LRRC8B: variants seen among roughly 807,000 people sequenced by gnomAD.
The protein encoded by LRRC8B is leucine rich repeat containing 8 VRAC subunit B.
Under a neutral mutation model 58.8 loss-of-function variants are expected in LRRC8B, and 23 were observed. The observed-to-expected ratio is 0.39, with a 90% CI of 0.28 to 0.55. The LOEUF is 0.55. LRRC8B is among the 20% of genes least tolerant of loss of function. The pLI is 0.62. For missense variants in LRRC8B, 694 were observed against 936.0 expected, an observed-to-expected ratio of 0.74 and a Z score of 3.37; for synonymous variants, 359 against 374.1, an observed-to-expected ratio of 0.96 and a Z score of 0.47.
intron 4 of LRRC8B, among the ~76,000 whole-genome samples, chr1:89,581,194 G>A (rs978352911): frequency 7.9e-5 from 12 of 151,592 alleles, no homozygotes; most frequent in Non-Finnish European, 1.6e-4. Context: ...AGCTGCTCGG[G>A]AGGCTGAGGC....
At chr1:89,577,378 A>G (rs1307384539) in intron 3 of LRRC8B, among the ~76,000 whole-genome samples, 1 of 152,216 alleles carries the variant, frequency 6.6e-6, no homozygotes, top group Non-Finnish European at 1.5e-5. Context: ...TGTGTTTTGA[A>G]AAAGCTTTTA....
In LRRC8B at chr1:89,567,876, A is replaced by G. The variant is rs538488883; in HGVS notation, c.-240-371A>G. On this transcript the variant is annotated intron_variant, in intron 1 of 5. Coordinates refer to ENST00000330947, the MANE Select transcript of LRRC8B (RefSeq NM_001369817.2). ...TGTGAACTATATGTTTCCATCAAAA[A>G]TGATGCTTAAAGAAACTTCATAGCA... 9.0e-4 allele frequency among the ~76,000 whole-genome samples: 137 copies of G among 152,274 alleles called. 3 individuals are homozygous for G. The South Asian group carries it at 0.027, about 29-fold the overall frequency.
chr1:89,575,916 A>G (rs911624893), intron 3 of LRRC8B, among the ~76,000 whole-genome samples: 2 of 152,138 alleles, frequency 1.3e-5, no homozygotes, highest in African/African-American at 4.8e-5. Flanking sequence ...TAGCCTTATT[A>G]TTCTATTATA....
intron 3 of LRRC8B, among the ~76,000 whole-genome samples, chr1:89,568,698 T>G (rs1653212298): frequency 1.3e-5 from 2 of 152,196 alleles, no homozygotes; most frequent in Admixed American, 1.3e-4. Flanking sequence ...AAATGTCATC[T>G]TCCTACTTTT....
intron 3 of LRRC8B, among the ~76,000 whole-genome samples, chr1:89,568,724 C>T (rs190615846): frequency 2.6e-5 from 4 of 151,926 alleles, no homozygotes; most frequent in Non-Finnish European, 2.9e-5. Flanking sequence ...ATTTTGTATG[C>T]AGGAAAATAT....
At chr1:89,589,379 G>A (rs923197670) in intron 5 of LRRC8B, among the ~76,000 whole-genome samples, 7 of 152,198 alleles carry the variant, frequency 4.6e-5, no homozygotes, top group Non-Finnish European at 1.0e-4. Context: ...GGTGGACATG[G>A]AAGGTGGGAG....
Position 89,584,649 on chromosome 1 carries a change from A to C in LRRC8B, c.1999A>C (p.Asn667His). ...AGAGCAGCTCTCTTTGGACCATAAT[A>C]ATATTGAGAATCTGCCCTTGCAGCT... Reference protein sequence around the residue: ...NLEQLSLDHNNIENLPLQLFL... With the variant: ...NLEQLSLDHNHIENLPLQLFL... The change falls in exon 5 of 6, where the codon AAT becomes CAT. Residue 667 changes from asparagine to histidine, a missense_variant. Physicochemically the swap from Asn to His is moderately conservative, Grantham distance 68. This residue lies in a region of LRRC8B where 139 missense variants were observed against 158.2 expected (regional missense o/e 0.88). Transcript: ENST00000330947. 1 of 1,614,020 alleles carries C rather than the reference A, an allele frequency of 6.2e-7. No individual in the cohort carries two copies. The highest frequency in any genetic ancestry group is 8.5e-7 in the Non-Finnish European group (1 of 1,180,008).
intron 4 of LRRC8B, among the ~76,000 whole-genome samples, chr1:89,581,939 C>G (rs1015415844): frequency 6.6e-6 from 1 of 152,124 alleles, no homozygotes; most frequent in Non-Finnish European, 1.5e-5. Flanking sequence ...ATTGTAGACC[C>G]CACTAAGCCT....
intron 4 of LRRC8B, among the ~76,000 whole-genome samples, chr1:89,581,181 C>A (rs1289039592): frequency 8.0e-5 from 12 of 150,602 alleles, no homozygotes; most frequent in Admixed American, 4.0e-4. Context: ...TGCCTGTAGT[C>A]CCAGCTGCTC....
At chr1:89,550,665 T>C (rs1208585271) in intron 1 of LRRC8B, among the ~76,000 whole-genome samples, 1 of 152,218 alleles carries the variant, frequency 6.6e-6, no homozygotes, top group Non-Finnish European at 1.5e-5. Flanking sequence ...GAATATTAAC[T>C]AGCACTTTAT....
intron 1 of LRRC8B, among the ~76,000 whole-genome samples, chr1:89,553,713 T>C (rs1200457685): frequency 6.6e-6 from 1 of 152,156 alleles, no homozygotes; most frequent in Non-Finnish European, 1.5e-5. Context: ...AATCTGAAAG[T>C]TTAATTTTTT....
At chr1:89,581,448 A>G (rs938465558) in intron 4 of LRRC8B, among the ~76,000 whole-genome samples, 3 of 152,150 alleles carry the variant, frequency 2.0e-5, no homozygotes, top group Non-Finnish European at 2.9e-5. Flanking sequence ...CCATGCTACC[A>G]TTATTATTTT....
intron 5 of LRRC8B, among the ~76,000 whole-genome samples, chr1:89,585,670 G>A (rs1022699749): frequency 1.3e-4 from 20 of 152,116 alleles, no homozygotes; most frequent in East Asian, 5.8e-4. Flanking sequence ...TTAGCTGCGC[G>A]TGGTGGCACG....
intron 1 of LRRC8B, among the ~76,000 whole-genome samples, chr1:89,564,781 G>A (rs977439063): frequency 3.9e-5 from 6 of 152,182 alleles, no homozygotes; most frequent in Non-Finnish European, 8.8e-5. Flanking sequence ...AAAGAAGCAT[G>A]AAGGACTAAC....
At position 89,593,749 on chromosome 1, in the gene LRRC8B, A is replaced by G. The variant is rs541630168; in HGVS notation, c.*706A>G. On this transcript the variant is annotated 3_prime_UTR_variant, in exon 6 of 6. Coordinates refer to ENST00000330947, the MANE Select transcript of LRRC8B (RefSeq NM_001369817.2). ...TAACTGACTTCCTGTTTTGATATTT[A>G]TCACCAAGACCATAAACTCATCAAT... 1 of 152,296 alleles carries G rather than the reference A, an allele frequency of 6.6e-6. No homozygotes were observed. The highest frequency in any genetic ancestry group is 2.4e-5 in the African/African-American group (1 of 41,542). 9.4% of individuals were successfully genotyped at this position (152,296 alleles called of 1,614,324 possible).
chr1:89,569,151 A>G (rs1399614624), intron 3 of LRRC8B, among the ~76,000 whole-genome samples: 1 of 152,144 alleles, frequency 6.6e-6, no homozygotes, highest in Non-Finnish European at 1.5e-5. Flanking sequence ...CTCTGAACAT[A>G]TAGTCTAGGT....
At chr1:89,579,184 TA>T (rs1358916711) in intron 3 of LRRC8B, among the ~76,000 whole-genome samples, 1 of 152,190 alleles carries the variant, frequency 6.6e-6, no homozygotes, top group Non-Finnish European at 1.5e-5. Flanking sequence ...GAAATTAACA[TA>T]TGTCGACTAC....
At chr1:89,551,150 T>G (rs1651779253) in intron 1 of LRRC8B, among the ~76,000 whole-genome samples, 2 of 152,086 alleles carry the variant, frequency 1.3e-5, no homozygotes, top group South Asian at 4.1e-4. Context: ...CGCTGGAGAT[T>G]TTTTTCCTGC....
At chr1:89,550,893 T>G (rs1194875500) in intron 1 of LRRC8B, among the ~76,000 whole-genome samples, 1 of 152,180 alleles carries the variant, frequency 6.6e-6, no homozygotes, top group African/African-American at 2.4e-5. Flanking sequence ...CCTGCCCCAT[T>G]GTATCTCTCA....
Sources: gnomAD v4.1 joint callset for allele counts (sites outside exome capture counted in the v4.1 genomes callset) on GRCh38, gnomAD v4.1.1 for gene constraint, gnomAD v4.1.1 regional missense constraint, MANE v1.5 for transcripts, NCBI Gene and HGNC (gene_info 2026-07-23, HGNC 2026-07-21) for gene names.